The following RAD51B variants were observed in gnomAD, a reference collection of about 807,000 sequenced individuals.
RAD51B encodes the protein DNA repair protein RAD51 homolog 2.
Under a neutral mutation model 42.2 loss-of-function variants are expected in RAD51B, and 38 were observed. The ratio of observed to expected loss-of-function variants is 0.90; its 90% confidence interval spans 0.70 to 1.18. RAD51B has a LOEUF of 1.18. RAD51B is among the 50% of genes most tolerant of loss of function. RAD51B has a pLI of 0.00. For synonymous variants in RAD51B, 154 were observed against 145.2 expected, an observed-to-expected ratio of 1.06 and a Z score of -0.43; for missense variants, 373 against 400.7, an observed-to-expected ratio of 0.93 and a Z score of 0.59.
intron 10 of RAD51B, chr14:68,497,446 A>T (rs761412220): frequency 1.2e-5 from 13 of 1,085,444 alleles, no homozygotes; most frequent in Non-Finnish European, 1.5e-5. Flanking sequence ...GGAAATGGGA[A>T]TGAGAGCAAG....
chr14:68,414,726 A>G (rs1318745854), intron 9 of RAD51B, among the ~76,000 whole-genome samples: 2 of 151,862 alleles, frequency 1.3e-5, no homozygotes, highest in Non-Finnish European at 2.9e-5. Context: ...TTACCTTAAA[A>G]TCAGTGATTC....
At chr14:68,615,436 C>G (rs186878107), downstream of RAD51B, among the ~76,000 whole-genome samples, 222 of 152,162 alleles carry the variant, frequency 1.5e-3, 9 homozygotes, top group East Asian at 0.04. Context: ...AGCTCTGCCT[C>G]CCGGGTTCAC....
chr14:68,428,103 C>T (rs2084898027), intron 9 of RAD51B, among the ~76,000 whole-genome samples: 1 of 152,146 alleles, frequency 6.6e-6, no homozygotes, highest in Admixed American at 6.5e-5. Flanking sequence ...AGATGATGTC[C>T]TCTCAATCTT....
At chr14:68,344,139 T>G (rs1431446763) in intron 8 of RAD51B, among the ~76,000 whole-genome samples, 1 of 152,116 alleles carries the variant, frequency 6.6e-6, no homozygotes, top group Non-Finnish European at 1.5e-5. Context: ...TGTGGAGTGA[T>G]GGGAAGAGGG....
At chr14:68,370,708 T>G (rs4902574) in intron 8 of RAD51B, among the ~76,000 whole-genome samples, 37,469 of 152,018 alleles carry the variant, frequency 0.25, 4,801 homozygotes, top group East Asian at 0.39. Context: ...AAGACATTCC[T>G]TACAAAATCT....
At chr14:67,950,636 A>G (rs143695974) in intron 7 of RAD51B, among the ~76,000 whole-genome samples, 4 of 152,192 alleles carry the variant, frequency 2.6e-5, no homozygotes, top group Admixed American at 6.5e-5. Flanking sequence ...TTTTGTTTGT[A>G]TTCACAGCTT....
intron 7 of RAD51B, among the ~76,000 whole-genome samples, chr14:68,205,596 G>GTTTTC (rs530078593): frequency 2.0e-4 from 30 of 151,350 alleles, no homozygotes; most frequent in Non-Finnish European, 2.7e-4. Flanking sequence ...TTTTTGTGTT[G>GTTTTC]TTTTCTTTTC....
rs570109970 is a variant in RAD51B at position 68,100,629 on chromosome 14, C to T, written c.757-191255C>T. ...TCTCTCATCCTTCCATTGTGCTTTA[C>T]TCTTTTTTTCTCCGTGAACAATTTT... On this transcript the variant is annotated intron_variant, in intron 7 of 10. Coordinates refer to ENST00000471583, the MANE Select transcript of RAD51B (RefSeq NM_133510.4). Among the ~76,000 whole-genome samples, 3 of 152,248 alleles carry T rather than the reference C, an allele frequency of 2.0e-5. No homozygotes were observed. In the South Asian group the frequency reaches 6.2e-4, roughly 32 times the overall value.
chr14:67,865,829 C>T (rs984587007), intron 5 of RAD51B, among the ~76,000 whole-genome samples: 6 of 151,872 alleles, frequency 4.0e-5, no homozygotes, highest in South Asian at 2.1e-4. Context: ...TGAGCCACTG[C>T]GCCTGGCCTA....
rs571416699 is a variant in RAD51B, at chr14:68,095,043, G to A, written c.757-196841G>A. ...AGTAGTTCATATGGAGAGCAGGCTC[G>A]GGTTATTTTTTATGTTGCTTGTGAA... is the stretch of plus-strand genomic sequence containing the variant. On this transcript the variant is annotated intron_variant, in intron 7 of 10. Transcript: ENST00000471583. Among the ~76,000 whole-genome samples, 24 of 152,222 alleles carry A rather than the reference G, an allele frequency of 1.6e-4. No individual in the cohort carries two copies. In the East Asian group the frequency reaches 2.3e-3, roughly 15 times the overall value.
chr14:68,420,142 A>G (rs920062668), intron 9 of RAD51B, among the ~76,000 whole-genome samples: 29 of 152,232 alleles, frequency 1.9e-4, no homozygotes, highest in Non-Finnish European at 3.5e-4. Context: ...CAGTGATAGC[A>G]TCAATATTTG....
intron 4 of RAD51B, among the ~76,000 whole-genome samples, chr14:67,849,115 A>G (rs1349114485): frequency 6.6e-6 from 1 of 152,148 alleles, no homozygotes; most frequent in African/African-American, 2.4e-5. Flanking sequence ...CTCTAGCAAT[A>G]TTAGGGAAAT....
chr14:67,943,227 C>T (rs924122964), intron 7 of RAD51B, among the ~76,000 whole-genome samples: 1 of 152,118 alleles, frequency 6.6e-6, no homozygotes, highest in Non-Finnish European at 1.5e-5. Context: ...TGATAGATTT[C>T]ACAAACATCA....
At chr14:68,479,670 T>C (rs1251596657), downstream of RAD51B, among the ~76,000 whole-genome samples, 5 of 113,962 alleles carry the variant, frequency 4.4e-5, no homozygotes, top group South Asian at 2.6e-4. Flanking sequence ...TATTCTTCTT[T>C]TTTTTTTTTT....
At chr14:67,948,927 G>T in intron 7 of RAD51B, among the ~76,000 whole-genome samples, 1 of 66,324 alleles carries the variant, frequency 1.5e-5, no homozygotes. Flanking sequence ...GTGAGACTCT[G>T]TCTCAAAAAA....
intron 7 of RAD51B, among the ~76,000 whole-genome samples, chr14:68,185,015 C>A (rs2079129938): frequency 6.6e-6 from 1 of 152,116 alleles, no homozygotes; most frequent in Non-Finnish European, 1.5e-5. Flanking sequence ...AATGTTGTAT[C>A]TAGCAGTGGG....
At chr14:68,272,560 A>G (rs1020659760) in intron 7 of RAD51B, among the ~76,000 whole-genome samples, 1 of 141,942 alleles carries the variant, frequency 7.0e-6, no homozygotes, top group Non-Finnish European at 1.5e-5. Flanking sequence ...GAAGTACTCA[A>G]TAATACTTAT....
At chr14:68,418,219 G>C (rs1362508554) in intron 9 of RAD51B, among the ~76,000 whole-genome samples, 3 of 152,200 alleles carry the variant, frequency 2.0e-5, no homozygotes, top group African/African-American at 7.2e-5. Context: ...CCAAAAAGTA[G>C]AAAGGACATA....
intron 7 of RAD51B, among the ~76,000 whole-genome samples, chr14:68,072,063 T>A (rs868793922): frequency 0.011 from 991 of 90,622 alleles, 18 homozygotes; most frequent in African/African-American, 0.032. Context: ...TTATATATAT[T>A]TATATAAATA....
Sources: allele counts gnomAD v4.1 joint callset (sites outside exome capture counted in the v4.1 genomes callset), GRCh38; gene constraint gnomAD v4.1.1; transcripts MANE v1.5; gene names NCBI Gene and HGNC (gene_info 2026-07-23, HGNC 2026-07-21).